FBN1: variants seen among roughly 807,000 people sequenced by gnomAD.
FBN1 encodes fibrillin-1.
FBN1 carries 29 observed loss-of-function variants against 365.1 expected under a neutral mutation model. That is an observed-to-expected ratio of 0.08 (90% confidence interval 0.06 to 0.11). The LOEUF (loss-of-function observed/expected upper bound fraction) is 0.11, where lower values mean the gene tolerates loss of function less well. FBN1 is among the 10% of genes least tolerant of loss of function. The pLI is 1.00. For synonymous variants in FBN1, 1,210 were observed against 1,270.5 expected, an observed-to-expected ratio of 0.95 and a Z score of 1.01; for missense variants, 2,476 against 3,703.2, an observed-to-expected ratio of 0.67 and a Z score of 8.60.
At chr15:48,634,890 C>A (rs1890066377) in intron 2 of FBN1, among the ~76,000 whole-genome samples, 2 of 138,732 alleles carry the variant, frequency 1.4e-5, no homozygotes, top group African/African-American at 2.9e-5. Flanking sequence ...CACACACACA[C>A]ACACACACAC....
intron 4 of FBN1, among the ~76,000 whole-genome samples, chr15:48,609,444 C>T (rs1251988247): frequency 6.6e-6 from 1 of 152,214 alleles, no homozygotes; most frequent in Non-Finnish European, 1.5e-5. Flanking sequence ...CTAGGAAACA[C>T]TCATAGGAGA....
At chr15:48,562,431 C>T (rs990306033) in intron 6 of FBN1, among the ~76,000 whole-genome samples, 1 of 152,072 alleles carries the variant, frequency 6.6e-6, no homozygotes, top group Non-Finnish European at 1.5e-5. Flanking sequence ...TTGTGTATTA[C>T]AAATAGGGAA....
chr15:48,478,977 C>T (rs567600806), intron 32 of FBN1, among the ~76,000 whole-genome samples: 1 of 152,282 alleles, frequency 6.6e-6, no homozygotes, highest in Admixed American at 6.5e-5. Flanking sequence ...TATAAAATAG[C>T]ATACATATTT....
At chr15:48,522,300 TAATA>T (rs1179558734) in intron 9 of FBN1, among the ~76,000 whole-genome samples, 1 of 152,072 alleles carries the variant, frequency 6.6e-6, no homozygotes, top group Non-Finnish European at 1.5e-5. Flanking sequence ...TTATTGTGTA[TAATA>T]AATTAATATT....
intron 2 of FBN1, among the ~76,000 whole-genome samples, chr15:48,638,163 G>T (rs1305887751): frequency 6.6e-6 from 1 of 151,710 alleles, no homozygotes; most frequent in East Asian, 1.9e-4. Flanking sequence ...GCCTCCCAAA[G>T]CACTGGGATT....
At position 48,513,532 on chromosome 15, in the gene FBN1, A is replaced by G; in HGVS notation, c.1588+17T>C. ...GCATATATGTCCCACATTCCACGTCAGGAGCCAGGACCATACCTCGGCATT... is the reference window on the plus strand; with the variant it reads ...GCATATATGTCCCACATTCCACGTCGGGAGCCAGGACCATACCTCGGCATT... On this transcript the variant is annotated intron_variant, in intron 13 of 65. Transcript: ENST00000316623. 6.2e-7 allele frequency: 1 copy of G among 1,613,966 alleles called. No homozygotes were observed. The highest frequency in any genetic ancestry group is 8.5e-7 in the Non-Finnish European group (1 of 1,179,864).
At chr15:48,462,826 T>C (rs191022178) in intron 42 of FBN1, among the ~76,000 whole-genome samples, 22 of 152,352 alleles carry the variant, frequency 1.4e-4, no homozygotes, top group African/African-American at 5.0e-4. Flanking sequence ...GAACATTGTT[T>C]ATAGTTTATA....
chr15:48,478,610 C>T (rs540572652), intron 32 of FBN1, among the ~76,000 whole-genome samples: 2 of 152,262 alleles, frequency 1.3e-5, no homozygotes, highest in Admixed American at 1.3e-4. Context: ...CAGCAGAAGC[C>T]TTACATTGGG....
At chr15:48,427,542 T>C (rs1313002979) in intron 58 of FBN1, 25 bp downstream of exon 58, 1 of 1,603,186 alleles carries the variant, frequency 6.2e-7, no homozygotes, top group East Asian at 2.2e-5. Context: ...TCCCTGCAAG[T>C]ATTTTTGGAC....
At chr15:48,620,580 T>G (rs1460540436) in intron 2 of FBN1, among the ~76,000 whole-genome samples, 1 of 152,168 alleles carries the variant, frequency 6.6e-6, no homozygotes, top group African/African-American at 2.4e-5. Context: ...TTGTTTTGCA[T>G]GAGTGTTATT....
chr15:48,636,398 G>C (rs567503741), intron 2 of FBN1, among the ~76,000 whole-genome samples: 4 of 152,120 alleles, frequency 2.6e-5, no homozygotes, highest in Non-Finnish European at 5.9e-5. Flanking sequence ...CCAGCCCTTC[G>C]AGTTAGCCTA....
At chr15:48,461,545 A>C (rs910259364) in intron 42 of FBN1, among the ~76,000 whole-genome samples, 1 of 152,180 alleles carries the variant, frequency 6.6e-6, no homozygotes, top group Non-Finnish European at 1.5e-5. Flanking sequence ...AATTGAAAAC[A>C]AATACATATA....
chr15:48,502,074 G>T (rs943421262), intron 17 of FBN1, among the ~76,000 whole-genome samples: 1 of 151,944 alleles, frequency 6.6e-6, no homozygotes, highest in South Asian at 2.1e-4. Context: ...TGTCACCCAC[G>T]CTGGAGAACA....
At chr15:48,481,939 T>C (rs185928608) in intron 31 of FBN1, among the ~76,000 whole-genome samples, 159 bp from the exon 32 acceptor site, 2 of 152,352 alleles carry the variant, frequency 1.3e-5, no homozygotes, top group African/African-American at 4.8e-5. Flanking sequence ...CATTTGCTCT[T>C]CATTCTTTAC....
At chr15:48,555,692 G>T (rs949415930) in intron 6 of FBN1, among the ~76,000 whole-genome samples, 2 of 152,014 alleles carry the variant, frequency 1.3e-5, no homozygotes, top group African/African-American at 4.8e-5. Context: ...CCAACTTCCT[G>T]GAATAGAAGA....
chr15:48,423,848 C>A (rs1433308080), intron 60 of FBN1, among the ~76,000 whole-genome samples: 1 of 152,158 alleles, frequency 6.6e-6, no homozygotes, highest in Non-Finnish European at 1.5e-5. Flanking sequence ...GGAAAAGGGA[C>A]AAGTTGTGAG....
intron 50 of FBN1, among the ~76,000 whole-genome samples, chr15:48,440,799 A>G (rs929439127): frequency 1.3e-5 from 2 of 152,008 alleles, no homozygotes; most frequent in African/African-American, 4.8e-5. Flanking sequence ...TCTAGACTAA[A>G]TATGGCAGGG....
intron 42 of FBN1, 37 bp from the exon 43 acceptor site, chr15:48,460,354 G>C (rs576325705): frequency 1.5e-6 from 2 of 1,338,938 alleles, no homozygotes; most frequent in Non-Finnish European, 2.2e-6. Flanking sequence ...GGGAGGATAG[G>C]GGTCAGCAAA....
intron 29 of FBN1, among the ~76,000 whole-genome samples, chr15:48,486,616 C>G (rs1034522543): frequency 6.6e-6 from 1 of 152,152 alleles, no homozygotes; most frequent in Non-Finnish European, 1.5e-5. Context: ...TTTTTGAAAT[C>G]TTTTAGCTGA....
Sources: allele counts gnomAD v4.1 joint callset (sites outside exome capture counted in the v4.1 genomes callset), GRCh38; gene constraint gnomAD v4.1.1; transcripts MANE v1.5; gene names NCBI Gene and HGNC (gene_info 2026-07-23, HGNC 2026-07-21).